GSTM4: variants seen among roughly 807,000 people sequenced by gnomAD.
GSTM4 encodes GST class-mu 4.
GSTM4 carries 27 observed loss-of-function variants against 30.1 expected under a neutral mutation model. The ratio of observed to expected loss-of-function variants is 0.90; its 90% confidence interval spans 0.66 to 1.24. The LOEUF is 1.24. Among genes scored for constraint, GSTM4 ranks in the 50% most tolerant of loss-of-function variants. GSTM4 has a pLI of 0.00. For synonymous variants in GSTM4, 94 were observed against 96.2 expected (o/e 0.98, Z 0.13); for missense variants, 238 against 272.1 (o/e 0.87, Z 0.88).
In GSTM4 at chr1:109,658,228, G is replaced by T; in HGVS notation, c.360+356G>T. The T allele has an allele frequency of 9.8e-6, 3 of 306,808 alleles. No individual in the cohort carries two copies. In the South Asian group the frequency reaches 1.2e-4, roughly 12 times the overall value. 19.0% of individuals were successfully genotyped at this position (306,808 alleles called of 1,614,324 possible). On this transcript the variant is annotated intron_variant, in intron 5 of 7. Coordinates refer to ENST00000369836, the MANE Select transcript of GSTM4 (RefSeq NM_000850.5). ...ACACTATGGGGTAAAGAAGTATGTA[G>T]TGGGATGTAATAGCACCCTCCTCTG...
At chr1:109,657,697 G>A (rs772688754) in intron 4 of GSTM4, 26 bp downstream of exon 4, 3 of 1,614,208 alleles carry the variant, frequency 1.9e-6, no homozygotes, top group Admixed American at 3.3e-5. Flanking sequence ...TGCAGTGTGT[G>A]GGGGGAAGGT....
At chr1:109,659,238 C>A (rs75484590) in intron 7 of GSTM4, 128 bp downstream of exon 7, 48,392 of 1,612,770 alleles carry the variant, frequency 0.03, 937 homozygotes, top group African/African-American at 0.07. Context: ...ATGCCAGGAA[C>A]CTTGCCCAGC....
chr1:109,664,148 T>TCTTA (rs762272728), downstream of GSTM4, among the ~76,000 whole-genome samples: 14 of 152,152 alleles, frequency 9.2e-5, no homozygotes, highest in Admixed American at 3.3e-4. Context: ...GCTTAGTCAT[T>TCTTA]CTTACCCTAT....
intron 7 of GSTM4, chr1:109,659,775 C>T (rs769477431): frequency 3.3e-5 from 18 of 537,634 alleles, no homozygotes; most frequent in Non-Finnish European, 5.5e-5. Flanking sequence ...TTTTTCCTCT[C>T]TTTTTTCCCT....
chr1:109,659,262 C>G (rs767344468), intron 7 of GSTM4, 152 bp downstream of exon 7: 1 of 1,603,288 alleles, frequency 6.2e-7, no homozygotes, highest in Non-Finnish European at 8.5e-7. Flanking sequence ...TTATACCTAT[C>G]GTGTGGAATT....
chr1:109,664,505 G>A (rs1480375389), downstream of GSTM4, among the ~76,000 whole-genome samples: 3 of 151,540 alleles, frequency 2.0e-5, no homozygotes, highest in Non-Finnish European at 4.4e-5. Context: ...AATTACGGGC[G>A]TGTGCCACCA....
At chr1:109,656,508 T>C in intron 1 of GSTM4, 83 bp downstream of exon 1, 6 of 1,445,662 alleles carry the variant, frequency 4.2e-6, no homozygotes, top group Non-Finnish European at 5.8e-6. Context: ...TAGGGACGGT[T>C]CCCTCCTTAG....
At chr1:109,663,773 G>C (rs999182278), downstream of GSTM4, among the ~76,000 whole-genome samples, 2 of 152,182 alleles carry the variant, frequency 1.3e-5, no homozygotes, top group Admixed American at 1.3e-4. Flanking sequence ...GCTTGTGTTG[G>C]TTTGCTTTCC....
Position 109,657,661 on chromosome 1 carries a change from G to A in GSTM4, c.249G>A (p.Lys83=). ...SNAILCYIAR[K]HNLCGETEEE... Reference sequence around the variant, plus strand: ...CCATCCTGTGCTACATTGCCCGCAAGCACAACCTGTGTGAGTGTGGTTGGC... The same window carrying A: ...CCATCCTGTGCTACATTGCCCGCAAACACAACCTGTGTGAGTGTGGTTGGC... The change falls in exon 4 of 8, where the codon AAG becomes AAA. Residue 83 remains lysine (K), a synonymous_variant. Coordinates refer to ENST00000369836, the MANE Select transcript of GSTM4 (RefSeq NM_000850.5). 1 of 1,614,260 alleles carries A rather than the reference G, an allele frequency of 6.2e-7. No individual in the cohort carries two copies. Among genetic ancestry groups the A allele is most frequent in the Non-Finnish European group, 8.5e-7 (1 of 1,180,044 alleles).
intron 2 of GSTM4, 194 bp downstream of exon 2, chr1:109,656,981 T>C (rs1462222108): frequency 1.3e-6 from 1 of 786,252 alleles, no homozygotes; most frequent in South Asian, 1.4e-5. Context: ...GGCCCCCTGT[T>C]TAATTGGGTT....
chr1:109,665,172 G>C, downstream of GSTM4: 2 of 715,554 alleles, frequency 2.8e-6, no homozygotes. Context: ...CAATGAAGGA[G>C]GCATCCACCA....
chr1:109,657,953 A>G, intron 5 of GSTM4, 81 bp downstream of exon 5: 1 of 1,154,130 alleles, frequency 8.7e-7, no homozygotes, highest in Non-Finnish European at 1.3e-6. Context: ...TGAACTCCTC[A>G]CTGCTATTGA....
downstream of GSTM4, among the ~76,000 whole-genome samples, chr1:109,662,797 G>A (rs1300960402): frequency 2.0e-5 from 3 of 152,218 alleles, no homozygotes; most frequent in Admixed American, 6.5e-5. Context: ...TGGTGGGAAA[G>A]CCACTTTGGA....
downstream of GSTM4, chr1:109,665,364 G>A: frequency 2.9e-6 from 1 of 349,400 alleles, no homozygotes; most frequent in Non-Finnish European, 5.3e-6. Flanking sequence ...TTTAGCCTCT[G>A]AATGATACCA....
Position 109,656,195 on chromosome 1 carries a change from C to T in GSTM4, c.-195C>T, listed in dbSNP as rs534194918. ...GATCCAGCAACCTGCTCCGTGCCTC[C>T]CGCGCCTGTTGGTTGGAAGTGACGA... On this transcript the variant is annotated 5_prime_UTR_variant, in exon 1 of 8. Transcript: ENST00000369836. The T allele has an allele frequency of 1.6e-6, 1 of 638,976 alleles. No homozygotes were observed. Among genetic ancestry groups the T allele is most frequent in the Admixed American group, 2.6e-5 (1 of 38,952 alleles). The allele number at this position is 638,976 out of a possible 1,614,324, so 39.6% of individuals were successfully genotyped here.
intron 3 of GSTM4, 71 bp downstream of exon 3, chr1:109,657,350 A>C (rs900926375): frequency 8.2e-6 from 13 of 1,588,198 alleles, no homozygotes; most frequent in African/African-American, 4.0e-5. Flanking sequence ...CTCTCCCCAG[A>C]TTAGAGGTGT....
At chr1:109,657,709 GCATCCTC>G in intron 4 of GSTM4, 38 bp downstream of exon 4, 2 of 1,614,008 alleles carry the variant, frequency 1.2e-6, no homozygotes, top group Middle Eastern at 1.6e-4. Flanking sequence ...GGGGAAGGTG[GCATCCTC>G]CTTGGCTGGA....
chr1:109,656,521 C>A, intron 1 of GSTM4, 96 bp downstream of exon 1: 1 of 1,340,810 alleles, frequency 7.5e-7, no homozygotes, highest in Non-Finnish European at 1.1e-6. Context: ...CTCCTTAGGG[C>A]TATCTCTCAC....
At position 109,660,962 on chromosome 1, in the gene GSTM4, T is replaced by C; in HGVS notation, c.568-203T>C. On this transcript the variant is annotated intron_variant, in intron 7 of 7. Transcript: ENST00000369836. ...AATCTTCATAAGTGTTAGCTGTTACTGTGGTACAACATTACTTAAAGGAAG... is the reference window on the plus strand; with the variant it reads ...AATCTTCATAAGTGTTAGCTGTTACCGTGGTACAACATTACTTAAAGGAAG... The C allele has an allele frequency of 5.0e-6, 3 of 605,872 alleles. No homozygotes were observed. In the South Asian group the frequency reaches 6.0e-5, roughly 12 times the overall value. 37.5% of individuals were successfully genotyped at this position (605,872 alleles called of 1,614,324 possible). A position where few individuals can be genotyped will look rare whatever the true frequency, so the allele number is the denominator to read the frequency against.
Sources: gnomAD v4.1 joint callset for allele counts (sites outside exome capture counted in the v4.1 genomes callset) on GRCh38, gnomAD v4.1.1 for gene constraint, MANE v1.5 for transcripts, NCBI Gene and HGNC (gene_info 2026-07-23, HGNC 2026-07-21) for gene names.